WWOX: variants seen among roughly 807,000 people sequenced by gnomAD.
The protein encoded by WWOX is WW domain-containing oxidoreductase.
A neutral mutation model predicts 46.2 loss-of-function variants in WWOX; 69 were observed. That is an observed-to-expected ratio of 1.49 (90% CI 1.23 to 1.82). The LOEUF (loss-of-function observed/expected upper bound fraction) is 1.82, where lower values mean the gene tolerates loss of function less well. WWOX is among the 40% of genes most tolerant of loss of function. The probability of loss-of-function intolerance (pLI) is 0.00; values close to 1 mark genes in which losing one functional copy is unlikely to be tolerated. For missense variants in WWOX, 919 were observed against 542.6 expected, an observed-to-expected ratio of 1.69 and a Z score of -6.89; for synonymous variants, 359 against 202.6, an observed-to-expected ratio of 1.77 and a Z score of -6.56.
chr16:78,791,796 C>G (rs943581223), intron 8 of WWOX, among the ~76,000 whole-genome samples: 7 of 152,072 alleles, frequency 4.6e-5, no homozygotes, highest in African/African-American at 1.7e-4. Context: ...GGGAGAATCA[C>G]TTGAACCGGA....
intron 8 of WWOX, among the ~76,000 whole-genome samples, chr16:78,937,985 C>T (rs1288781692): frequency 6.6e-6 from 1 of 152,140 alleles, no homozygotes; most frequent in African/African-American, 2.4e-5. Flanking sequence ...CCTCATCTGA[C>T]TTAGTTCTCA....
intron 8 of WWOX, among the ~76,000 whole-genome samples, chr16:78,729,350 A>G (rs145242435): frequency 0.01 from 1,594 of 152,008 alleles, 19 homozygotes; most frequent in Middle Eastern, 0.037. Context: ...TCAAAAAAAA[A>G]AAGTAAAAAT....
At chr16:78,965,506 G>A (rs376098205) in intron 8 of WWOX, among the ~76,000 whole-genome samples, 19 of 151,822 alleles carry the variant, frequency 1.3e-4, no homozygotes, top group South Asian at 8.3e-4. Flanking sequence ...GAAAGTAGCG[G>A]TTGCAGTGAG....
intron 8 of WWOX, among the ~76,000 whole-genome samples, chr16:78,562,664 A>G (rs1007233149): frequency 2.0e-5 from 3 of 152,168 alleles, no homozygotes; most frequent in South Asian, 4.1e-4. Context: ...CACTCGGTCA[A>G]TACTTGCCTT....
intron 8 of WWOX, among the ~76,000 whole-genome samples, chr16:79,056,809 C>A (rs759990772): frequency 2.6e-5 from 4 of 152,126 alleles, no homozygotes; most frequent in Admixed American, 2.6e-4. Context: ...ACTTGATTTT[C>A]TTTAAAGGAC....
intron 8 of WWOX, among the ~76,000 whole-genome samples, chr16:79,000,925 C>G (rs969160322): frequency 3.9e-5 from 6 of 152,098 alleles, no homozygotes; most frequent in Non-Finnish European, 8.8e-5. Context: ...ACTCATCTGC[C>G]CCACTGGACG....
chr16:78,672,006 C>T (rs574185280), intron 8 of WWOX, among the ~76,000 whole-genome samples: 2 of 152,218 alleles, frequency 1.3e-5, no homozygotes, highest in African/African-American at 4.8e-5. Flanking sequence ...GCAGGAACAT[C>T]ATCTGCTTTT....
intron 5 of WWOX, among the ~76,000 whole-genome samples, chr16:78,365,226 G>A (rs1330565207): frequency 6.6e-6 from 1 of 152,198 alleles, no homozygotes; most frequent in Admixed American, 6.5e-5. Context: ...TGGTGGGTCT[G>A]TGTCACCTTC....
At chr16:78,790,792 G>A (rs1304971379) in intron 8 of WWOX, among the ~76,000 whole-genome samples, 1 of 151,974 alleles carries the variant, frequency 6.6e-6, no homozygotes, top group Non-Finnish European at 1.5e-5. Context: ...GGCAGAAGTG[G>A]GAGGATCACT....
chr16:78,593,165 C>G (rs1001837426), intron 8 of WWOX, among the ~76,000 whole-genome samples: 9 of 152,098 alleles, frequency 5.9e-5, no homozygotes, highest in East Asian at 1.9e-4. Context: ...ACCTTGCTCC[C>G]CTGGAGTGTA....
intron 8 of WWOX, among the ~76,000 whole-genome samples, chr16:79,201,051 C>G (rs181257321): frequency 2.0e-5 from 3 of 152,278 alleles, no homozygotes; most frequent in Admixed American, 6.5e-5. Context: ...CCAAGAAACA[C>G]ATGAAGGTTA....
At chr16:78,999,149 T>C (rs1206158478) in intron 8 of WWOX, among the ~76,000 whole-genome samples, 5 of 151,828 alleles carry the variant, frequency 3.3e-5, no homozygotes, top group Non-Finnish European at 5.9e-5. Flanking sequence ...CTTCTTCTTT[T>C]TTTTTTTTTT....
intron 8 of WWOX, among the ~76,000 whole-genome samples, chr16:78,611,493 C>T (rs550830397): frequency 1.3e-5 from 2 of 152,264 alleles, no homozygotes; most frequent in East Asian, 3.9e-4. Context: ...TGGAGGCCTC[C>T]CTGCCCTCCT....
intron 8 of WWOX, among the ~76,000 whole-genome samples, chr16:78,809,406 T>G (rs930695225): frequency 2.0e-5 from 3 of 152,116 alleles, no homozygotes; most frequent in African/African-American, 7.2e-5. Context: ...TGATATATTC[T>G]GCTTCCCTTC....
At chr16:78,271,449 G>T (rs115861359) in intron 5 of WWOX, among the ~76,000 whole-genome samples, 3,637 of 152,334 alleles carry the variant, frequency 0.024, 41 homozygotes, top group African/African-American at 0.03. Flanking sequence ...GGCTGTTTCA[G>T]CATTGGAATA....
chr16:78,479,726 T>C (rs560878824), intron 8 of WWOX, among the ~76,000 whole-genome samples: 17 of 152,178 alleles, frequency 1.1e-4, no homozygotes, highest in Non-Finnish European at 2.4e-4. Context: ...ACACGAAATA[T>C]AGTGACAGCC....
At chr16:78,457,573 C>A (rs1298305194) in intron 8 of WWOX, among the ~76,000 whole-genome samples, 1 of 151,946 alleles carries the variant, frequency 6.6e-6, no homozygotes, top group African/African-American at 2.4e-5. Flanking sequence ...TTTTATAAGA[C>A]TCTGCATTTA....
chr16:79,162,256 C>G (rs145807297), intron 8 of WWOX, among the ~76,000 whole-genome samples: 1 of 152,164 alleles, frequency 6.6e-6, no homozygotes, highest in African/African-American at 2.4e-5. Flanking sequence ...TAAGTCATCA[C>G]GGAAGTCTGC....
At chr16:78,677,632 T>C (rs2047633244) in intron 8 of WWOX, among the ~76,000 whole-genome samples, 1 of 152,208 alleles carries the variant, frequency 6.6e-6, no homozygotes, top group Non-Finnish European at 1.5e-5. Context: ...CCTTTTATGA[T>C]ACCTGCCTGG....
Sources: allele counts gnomAD v4.1 joint callset (sites outside exome capture counted in the v4.1 genomes callset), GRCh38; gene constraint gnomAD v4.1.1; transcripts MANE v1.5; gene names NCBI Gene and HGNC (gene_info 2026-07-23, HGNC 2026-07-21).